Variants in ATG5 observed in about 807,000 individuals in gnomAD.
ATG5 encodes the protein autophagy related 5.
ATG5 carries 14 observed loss-of-function variants against 36.5 expected under a neutral mutation model. That is an observed-to-expected ratio of 0.38 (90% CI 0.25 to 0.60). The LOEUF is 0.60. Among genes scored for constraint, ATG5 ranks in the 20% least tolerant of loss-of-function variants. ATG5 has a pLI of 0.60. For missense variants in ATG5, 195 were observed against 326.7 expected (o/e 0.60, Z 3.11); for synonymous variants, 95 against 101.5 (o/e 0.94, Z 0.38).
At chr6:106,217,592 C>T (rs1232690645) in intron 6 of ATG5, 1 of 152,180 alleles carries the variant, frequency 6.6e-6, no homozygotes, top group East Asian at 1.9e-4. Flanking sequence ...CCCACCCACA[C>T]TGCTGTGACC....
chr6:106,289,098 C>T (rs955784493), intron 4 of ATG5, among the ~76,000 whole-genome samples: 2 of 151,998 alleles, frequency 1.3e-5, no homozygotes, highest in African/African-American at 2.4e-5. Context: ...AATACAACAC[C>T]ACAGAAGATA....
Position 106,201,956 on chromosome 6 carries a change from T to C in ATG5, c.691+16A>G, listed in dbSNP as rs1195263967. 2.6e-6 allele frequency: 4 copies of C among 1,554,968 alleles called. No homozygotes were observed. Among genetic ancestry groups the C allele is most frequent in the East Asian group, 2.3e-5 (1 of 44,386 alleles). ...AGAAAATGAAAGAAATGTTTTAATG[T>C]TGCTGATTGTATTACCTTCAGGATC... On this transcript the variant is annotated intron_variant, in intron 7 of 7. Transcript: ENST00000369076.
intron 6 of ATG5, among the ~76,000 whole-genome samples, chr6:106,204,378 G>A (rs998770725): frequency 5.3e-5 from 8 of 152,240 alleles, no homozygotes; most frequent in African/African-American, 1.7e-4. Flanking sequence ...TGACAAGTAT[G>A]AAAATTGTAA....
intron 4 of ATG5, among the ~76,000 whole-genome samples, chr6:106,285,900 C>T (rs896646677): frequency 6.6e-6 from 1 of 152,194 alleles, no homozygotes; most frequent in Non-Finnish European, 1.5e-5. Context: ...TTGCCAACTC[C>T]TGCTCTGATG....
intron 6 of ATG5, among the ~76,000 whole-genome samples, chr6:106,239,445 A>G (rs1381369308): frequency 1.3e-5 from 2 of 152,230 alleles, no homozygotes; most frequent in Non-Finnish European, 2.9e-5. Flanking sequence ...TCCATCTCTA[A>G]TCAGACAGGA....
chr6:106,275,831 G>A (rs1374044730), intron 5 of ATG5, among the ~76,000 whole-genome samples: 1 of 152,184 alleles, frequency 6.6e-6, no homozygotes, highest in Non-Finnish European at 1.5e-5. Flanking sequence ...GGGCTGACAA[G>A]CATTTTCTTA....
chr6:106,194,545 CTTTTTT>C (rs3216460), intron 7 of ATG5, among the ~76,000 whole-genome samples: 6 of 138,934 alleles, frequency 4.3e-5, no homozygotes, highest in Admixed American at 3.6e-4. Context: ...TTTTCTTTTT[CTTTTTT>C]TTTTGAGATG....
At chr6:106,235,707 C>T (rs762450457) in intron 6 of ATG5, among the ~76,000 whole-genome samples, 1 of 152,222 alleles carries the variant, frequency 6.6e-6, no homozygotes. Context: ...GGACAATGAT[C>T]GGGATATAAA....
intron 5 of ATG5, among the ~76,000 whole-genome samples, chr6:106,275,274 C>G (rs182564463): frequency 2.6e-5 from 4 of 152,332 alleles, no homozygotes; most frequent in Admixed American, 2.6e-4. Context: ...ATATTTTCTA[C>G]AAGCAACATT....
chr6:106,243,115 G>A (rs545464648), intron 6 of ATG5, among the ~76,000 whole-genome samples: 3 of 151,984 alleles, frequency 2.0e-5, no homozygotes, highest in East Asian at 1.9e-4. Flanking sequence ...TCCCCAAACC[G>A]GTATCTAGAT....
chr6:106,244,079 T>C lies in ATG5; in HGVS notation c.573+4071A>G, dbSNP rs114706565. ...ACAGGTGCTTACCACCCCATCCGGC[T>C]CATTTAAAAAAATTTTTTTGTAGAG... On this transcript the variant is annotated intron_variant, in intron 6 of 7. Transcript: ENST00000369076. Among the ~76,000 whole-genome samples, 423 of 151,862 alleles carry C rather than the reference T, an allele frequency of 2.8e-3. 2 individuals carry two copies. The highest frequency in any genetic ancestry group is 1.0e-2 in the African/African-American group (413 of 41,428).
intron 6 of ATG5, among the ~76,000 whole-genome samples, chr6:106,236,659 T>C (rs1284372047): frequency 1.3e-5 from 2 of 152,236 alleles, no homozygotes; most frequent in Admixed American, 1.3e-4. Flanking sequence ...AACTTAAATT[T>C]GTAACTAAAG....
At chr6:106,218,786 A>C (rs1777136989) in intron 6 of ATG5, among the ~76,000 whole-genome samples, 1 of 152,230 alleles carries the variant, frequency 6.6e-6, no homozygotes, top group Admixed American at 6.5e-5. Flanking sequence ...ACTTCTTAGA[A>C]GTAACAGATA....
intron 6 of ATG5, among the ~76,000 whole-genome samples, chr6:106,220,119 C>T (rs2299864): frequency 0.15 from 23,178 of 152,098 alleles, 2,116 homozygotes; most frequent in Non-Finnish European, 0.2. Context: ...GATGATACAA[C>T]TGAATGTTTA....
intron 6 of ATG5, among the ~76,000 whole-genome samples, chr6:106,205,126 A>G (rs1243370441): frequency 6.6e-6 from 1 of 152,180 alleles, no homozygotes; most frequent in African/African-American, 2.4e-5. Context: ...CGACTAATGG[A>G]AAGCAGTGCT....
chr6:106,297,716 A>AC (rs1562262461), intron 3 of ATG5, among the ~76,000 whole-genome samples: 59 of 122,074 alleles, frequency 4.8e-4, no homozygotes, highest in Admixed American at 8.0e-4. Flanking sequence ...AAAATGACTT[A>AC]AACACACACA....
intron 2 of ATG5, among the ~76,000 whole-genome samples, chr6:106,315,462 C>T (rs982414379): frequency 2.6e-5 from 4 of 152,116 alleles, no homozygotes; most frequent in East Asian, 3.9e-4. Flanking sequence ...ACAAAGCACA[C>T]CAAAATCAGA....
At chr6:106,299,790 T>C (rs181529026) in intron 3 of ATG5, among the ~76,000 whole-genome samples, 73 of 152,352 alleles carry the variant, frequency 4.8e-4, no homozygotes, top group African/African-American at 1.7e-3. Context: ...CTAATACAAG[T>C]ATTCTAAAAT....
rs79097042 is a variant in ATG5, at chr6:106,239,473, T to A, written c.573+8677A>T. On this transcript the variant is annotated intron_variant, in intron 6 of 7. Coordinates refer to ENST00000369076, the MANE Select transcript of ATG5 (RefSeq NM_004849.4). ...AGACAGGACACTATGGGGAACTGAA[T>A]AAGTGATTTTAAAAGTCATGGAAAA... Among the ~76,000 whole-genome samples, 50 of 152,280 alleles carry A rather than the reference T, an allele frequency of 3.3e-4. 4 individuals are homozygous for A. The East Asian group carries it at 9.6e-3, about 29-fold the overall frequency.
Sources: gnomAD v4.1 joint callset for allele counts (sites outside exome capture counted in the v4.1 genomes callset) on GRCh38, gnomAD v4.1.1 for gene constraint, MANE v1.5 for transcripts, NCBI Gene and HGNC (gene_info 2026-07-23, HGNC 2026-07-21) for gene names.